Variants in SPRED1 observed in about 807,000 individuals in gnomAD.
SPRED1 encodes sprouty-related, EVH1 domain-containing protein 1.
A neutral mutation model predicts 52.3 loss-of-function variants in SPRED1; 18 were observed. The ratio of observed to expected loss-of-function variants is 0.34; its 90% confidence interval spans 0.24 to 0.51. The LOEUF is 0.51. SPRED1 is among the 20% of genes least tolerant of loss of function. The pLI is 0.97. For synonymous variants in SPRED1, 155 were observed against 179.7 expected (o/e 0.86, Z 1.10); for missense variants, 485 against 551.0 (o/e 0.88, Z 1.20).
intron 1 of SPRED1, among the ~76,000 whole-genome samples, chr15:38,270,573 G>A (rs1297693806): frequency 6.6e-6 from 1 of 152,142 alleles, no homozygotes; most frequent in Non-Finnish European, 1.5e-5. Flanking sequence ...GTATTAGCAA[G>A]GCAGAGCAGG....
intron 1 of SPRED1, among the ~76,000 whole-genome samples, chr15:38,269,320 C>T (rs1248026587): frequency 1.3e-5 from 2 of 152,162 alleles, no homozygotes; most frequent in Admixed American, 1.3e-4. Context: ...TCACAGCACG[C>T]TAACCTCGAA....
chr15:38,278,080 A>T (rs1894599025), intron 1 of SPRED1, among the ~76,000 whole-genome samples: 1 of 152,190 alleles, frequency 6.6e-6, no homozygotes. Context: ...ACAGGTAAGA[A>T]ATAAGAGAAG....
rs2141014869 is a variant in SPRED1, at chr15:38,349,459, G to C, written c.620G>C (p.Arg207Thr). The C allele has an allele frequency of 8.1e-6, 13 of 1,612,814 alleles. No individual in the cohort carries two copies. The highest frequency in any genetic ancestry group is 1.1e-5 in the Non-Finnish European group (13 of 1,179,076). ...FGQPGLDIQS[R>T]SMEYVQRQIS... ...CAGCCAGGCTTGGACATTCAGAGCA[G>C]AAGTATGGAATACGTACAGCGGCAA... Residue 207 changes from arginine (R) to threonine (T), a missense_variant, in exon 6 of 7, where the codon AGA becomes ACA. This residue lies in a region of SPRED1 where 232 missense variants were observed against 231.8 expected (regional missense o/e 1.00). Transcript: ENST00000299084.
At chr15:38,304,049 G>A (rs1895200896) in intron 2 of SPRED1, among the ~76,000 whole-genome samples, 1 of 152,128 alleles carries the variant, frequency 6.6e-6, no homozygotes, top group African/African-American at 2.4e-5. Context: ...TTTAAAAAGA[G>A]CATGTTTTAA....
Position 38,354,569 on chromosome 15 carries a change from G to C in SPRED1, c.*2905G>C, listed in dbSNP as rs1888568669. 1 of 152,298 alleles carries C rather than the reference G, an allele frequency of 6.6e-6. No homozygotes were observed. Among genetic ancestry groups the C allele is most frequent in the South Asian group, 2.1e-4 (1 of 4,820 alleles). 9.4% of individuals were successfully genotyped at this position (152,298 alleles called of 1,614,324 possible). The stretch of plus-strand genomic sequence containing the variant: ...GAGATGGCAATAGGGATCTGACAGG[G>C]TTCATCACTACTACCATTAAAGGGC... On this transcript the variant is annotated 3_prime_UTR_variant, in exon 7 of 7. Transcript: ENST00000299084.
chr15:38,343,185 C>T (rs1301395232), intron 5 of SPRED1, among the ~76,000 whole-genome samples: 8 of 152,116 alleles, frequency 5.3e-5, no homozygotes, highest in Middle Eastern at 3.4e-3. Context: ...AATTGATAAC[C>T]GTACCACAGT....
intron 4 of SPRED1, among the ~76,000 whole-genome samples, chr15:38,336,458 TATA>T (rs1310729652): frequency 1.4e-5 from 2 of 138,174 alleles, no homozygotes; most frequent in Non-Finnish European, 3.2e-5. Flanking sequence ...ATGTTATATA[TATA>T]ATATTTTATA....
chr15:38,300,965 A>T (rs1433504220), intron 2 of SPRED1, among the ~76,000 whole-genome samples: 1 of 152,148 alleles, frequency 6.6e-6, no homozygotes, highest in East Asian at 1.9e-4. Flanking sequence ...GTGAAAATCT[A>T]AGGCATTTTT....
At chr15:38,306,172 G>C (rs1220630845) in intron 2 of SPRED1, among the ~76,000 whole-genome samples, 2 of 151,962 alleles carry the variant, frequency 1.3e-5, no homozygotes, top group Non-Finnish European at 1.5e-5. Flanking sequence ...CCTTTAATCT[G>C]TCTGCCTTTT....
At chr15:38,288,559 A>T (rs1463439128) in intron 1 of SPRED1, among the ~76,000 whole-genome samples, 1 of 152,182 alleles carries the variant, frequency 6.6e-6, no homozygotes, top group Non-Finnish European at 1.5e-5. Context: ...GAAAGGAGCA[A>T]CCGATAGAAT....
Position 38,277,472 on chromosome 15 carries a change from A to G in SPRED1, c.33-21901A>G, listed in dbSNP as rs1374714142. On this transcript the variant is annotated intron_variant, in intron 1 of 6. Coordinates refer to ENST00000299084, the MANE Select transcript of SPRED1 (RefSeq NM_152594.3). ...ATCTCATTCCTTTTTATGGCTGTGTAGTATTCCATGGTGTACATGTACCAT... is the reference window on the plus strand; with the variant it reads ...ATCTCATTCCTTTTTATGGCTGTGTGGTATTCCATGGTGTACATGTACCAT... 2.0e-5 allele frequency among the ~76,000 whole-genome samples: 3 copies of G among 152,282 alleles called. No homozygotes were observed. In the East Asian group the frequency reaches 5.8e-4, roughly 29 times the overall value.
intron 2 of SPRED1, among the ~76,000 whole-genome samples, chr15:38,320,560 T>C (rs982700170): frequency 2.0e-5 from 3 of 152,098 alleles, no homozygotes; most frequent in Non-Finnish European, 4.4e-5. Context: ...CTACTACTAG[T>C]AATATCTGAG....
rs1361127426 is a variant in SPRED1, at chr15:38,353,314, T to C, written c.*1650T>C. On this transcript the variant is annotated 3_prime_UTR_variant, in exon 7 of 7. Coordinates refer to ENST00000299084, the MANE Select transcript of SPRED1 (RefSeq NM_152594.3). The stretch of plus-strand genomic sequence containing the variant: ...GCCCCAGATCAAACTGAACAATGTA[T>C]ATAACACTATCTGTCTGTAAAATAC... 1.4e-5 allele frequency: 2 copies of C among 145,518 alleles called. No homozygotes were observed. The highest frequency in any genetic ancestry group is 3.1e-5 in the Non-Finnish European group (2 of 64,392). The allele number at this position is 145,518 out of a possible 1,614,324, so 9.0% of individuals were successfully genotyped here.
chr15:38,260,192 A>G (rs1452686310), intron 1 of SPRED1, among the ~76,000 whole-genome samples: 1 of 152,256 alleles, frequency 6.6e-6, no homozygotes. Flanking sequence ...TCCAAAATCA[A>G]AAAGTTGGCA....
chr15:38,311,109 G>A (rs867248702), intron 2 of SPRED1, among the ~76,000 whole-genome samples: 3 of 152,104 alleles, frequency 2.0e-5, no homozygotes, highest in African/African-American at 7.2e-5. Context: ...ATCAAATTGA[G>A]ATAATTCTAC....
At chr15:38,285,170 C>T (rs1894778607) in intron 1 of SPRED1, among the ~76,000 whole-genome samples, 1 of 152,094 alleles carries the variant, frequency 6.6e-6, no homozygotes, top group Non-Finnish European at 1.5e-5. Context: ...CTAGGAAAAG[C>T]ACCACCTCCA....
intron 1 of SPRED1, among the ~76,000 whole-genome samples, chr15:38,273,512 G>A (rs12324111): frequency 0.83 from 121,201 of 145,294 alleles, 50,854 homozygotes; most frequent in Non-Finnish European, 0.9. Flanking sequence ...TTATTTTTAT[G>A]TATTATTAAT....
At chr15:38,310,690 T>C (rs943241675) in intron 2 of SPRED1, among the ~76,000 whole-genome samples, 5 of 152,198 alleles carry the variant, frequency 3.3e-5, no homozygotes, top group African/African-American at 1.2e-4. Context: ...GTTTTTCTTA[T>C]ATGTTTTGTT....
At chr15:38,315,908 T>G (rs931211501) in intron 2 of SPRED1, among the ~76,000 whole-genome samples, 1 of 152,048 alleles carries the variant, frequency 6.6e-6, no homozygotes, top group Non-Finnish European at 1.5e-5. Flanking sequence ...TTTGAATACT[T>G]TATTAGTTCA....
Sources: allele counts gnomAD v4.1 joint callset (sites outside exome capture counted in the v4.1 genomes callset), GRCh38; gene constraint gnomAD v4.1.1; regional missense constraint gnomAD v4.1.1; transcripts MANE v1.5; gene names NCBI Gene and HGNC (gene_info 2026-07-23, HGNC 2026-07-21).